The following PPP2R5C variants were observed in gnomAD, a reference collection of about 807,000 sequenced individuals.
The protein encoded by PPP2R5C is protein phosphatase 2 regulatory subunit B'gamma, also known as serine/threonine-protein phosphatase 2A 56 kDa regulatory subunit gamma isoform.
PPP2R5C carries 7 observed loss-of-function variants against 68.9 expected under a neutral mutation model. That is an observed-to-expected ratio of 0.10 (90% CI 0.06 to 0.19). PPP2R5C has a LOEUF of 0.19. Among genes scored for constraint, PPP2R5C ranks in the 10% least tolerant of loss-of-function variants. The probability of loss-of-function intolerance (pLI) is 1.00; values close to 1 mark genes in which losing one functional copy is unlikely to be tolerated. For missense variants in PPP2R5C, 348 were observed against 641.3 expected, an observed-to-expected ratio of 0.54 and a Z score of 4.94; for synonymous variants, 210 against 222.2, an observed-to-expected ratio of 0.95 and a Z score of 0.49.
intron 7 of PPP2R5C, among the ~76,000 whole-genome samples, chr14:101,894,018 G>A (rs977272008): frequency 1.3e-5 from 2 of 152,222 alleles, no homozygotes; most frequent in Admixed American, 1.3e-4. Flanking sequence ...GCTTATGGTA[G>A]GGGCTAAATG....
chr14:101,903,552 G>T (rs969199502), intron 9 of PPP2R5C, among the ~76,000 whole-genome samples: 1 of 152,188 alleles, frequency 6.6e-6, no homozygotes, highest in East Asian at 1.9e-4. Flanking sequence ...ACTCGCCCTC[G>T]TCTGTGTCCC....
At chr14:101,846,518 T>G (rs1251007621) in intron 1 of PPP2R5C, among the ~76,000 whole-genome samples, 3 of 152,260 alleles carry the variant, frequency 2.0e-5, no homozygotes, top group African/African-American at 7.2e-5. Flanking sequence ...ACGAGAAGAT[T>G]AACCCAATTT....
intron 5 of PPP2R5C, among the ~76,000 whole-genome samples, chr14:101,886,573 G>T (rs373226014): frequency 6.6e-6 from 1 of 151,650 alleles, no homozygotes; most frequent in Admixed American, 6.6e-5. Context: ...CCTGATACGC[G>T]CAGTCAAAAG....
intron 2 of PPP2R5C, among the ~76,000 whole-genome samples, chr14:101,859,746 C>G (rs1370203225): frequency 6.6e-6 from 1 of 152,144 alleles, no homozygotes; most frequent in Admixed American, 6.5e-5. Context: ...GCAGCAAAAG[C>G]CTGGGCCTCT....
chr14:101,890,773 T>C (rs1376714068), intron 6 of PPP2R5C, among the ~76,000 whole-genome samples: 1 of 144,564 alleles, frequency 6.9e-6, no homozygotes, highest in Non-Finnish European at 1.5e-5. Flanking sequence ...CCTTTTTTTT[T>C]TTTTTTTTTT....
At chr14:101,768,401 C>CT (rs1391414351) in intron 2 of PPP2R5C, among the ~76,000 whole-genome samples, 2 of 152,172 alleles carry the variant, frequency 1.3e-5, no homozygotes, top group Non-Finnish European at 2.9e-5. Flanking sequence ...TGAGTTATAT[C>CT]TATCTACCGA....
intron 1 of PPP2R5C, chr14:101,839,571 G>A (rs2140406251): frequency 6.6e-6 from 1 of 152,564 alleles, no homozygotes; most frequent in Non-Finnish European, 1.5e-5. Flanking sequence ...GTGATCCCAT[G>A]TCCTGGAAAG....
At chr14:101,880,574 T>C (rs918943899) in intron 2 of PPP2R5C, among the ~76,000 whole-genome samples, 1 of 152,206 alleles carries the variant, frequency 6.6e-6, no homozygotes, top group African/African-American at 2.4e-5. Flanking sequence ...GGCAGGAGGA[T>C]TGCTTAAGCC....
At chr14:101,856,525 C>T (rs2042434147) in intron 1 of PPP2R5C, among the ~76,000 whole-genome samples, 161 bp from the exon 4 acceptor site, 2 of 150,078 alleles carry the variant, frequency 1.3e-5, no homozygotes, top group Non-Finnish European at 3.0e-5. Context: ...TGGGTTTTTT[C>T]GTTTTATTTT....
At chr14:101,920,794 C>A (rs2046956946) in intron 13 of PPP2R5C, among the ~76,000 whole-genome samples, 1 of 152,130 alleles carries the variant, frequency 6.6e-6, no homozygotes. Flanking sequence ...GAGACAGGGT[C>A]TCACTGTGTC....
At chr14:101,817,150 G>A (rs1310497918) in intron 1 of PPP2R5C, among the ~76,000 whole-genome samples, 1 of 151,336 alleles carries the variant, frequency 6.6e-6, no homozygotes, top group Non-Finnish European at 1.5e-5. Flanking sequence ...TAGAGATAGG[G>A]TTTCACCATG....
At chr14:101,810,708 GCAA>G (rs1394856419) in intron 1 of PPP2R5C, among the ~76,000 whole-genome samples, 1 of 152,024 alleles carries the variant, frequency 6.6e-6, no homozygotes, top group Non-Finnish European at 1.5e-5. Context: ...ATTTTAAATG[GCAA>G]CAAGTTTTCA....
Position 101,901,700 on chromosome 14 carries a change from C to A in PPP2R5C, c.853-19C>A, listed in dbSNP as rs370466521. The A allele has an allele frequency of 1.2e-6, 2 of 1,611,860 alleles. No individual in the cohort carries two copies. Among genetic ancestry groups the A allele is most frequent in the Non-Finnish European group, 1.7e-6 (2 of 1,179,362 alleles). ...GGCCTCGTGGGCATCAGTCACTCCA[C>A]GTGTCATTTCTTTTGTAGGTGGTGA... On this transcript the variant is annotated intron_variant, in intron 8 of 13. Coordinates refer to ENST00000334743, the Ensembl canonical transcript of PPP2R5C.
intron 1 of PPP2R5C, among the ~76,000 whole-genome samples, chr14:101,844,952 G>A (rs1210244982): frequency 6.6e-6 from 1 of 152,150 alleles, no homozygotes; most frequent in East Asian, 1.9e-4. Flanking sequence ...AAGATGAAGC[G>A]ATAACGGGCT....
At chr14:101,905,873 C>G (rs2141062654) in intron 9 of PPP2R5C, among the ~76,000 whole-genome samples, 1 of 152,226 alleles carries the variant, frequency 6.6e-6, no homozygotes, top group South Asian at 2.1e-4. Flanking sequence ...TGAAGCCACC[C>G]CACCGCACAC....
At chr14:101,866,627 G>A (rs1469608987) in intron 2 of PPP2R5C, among the ~76,000 whole-genome samples, 4 of 151,948 alleles carry the variant, frequency 2.6e-5, no homozygotes, top group Non-Finnish European at 4.4e-5. Flanking sequence ...CCAAGATCAC[G>A]CTACTGTGCT....
At chr14:101,771,877 A>G (rs993191345) in intron 2 of PPP2R5C, among the ~76,000 whole-genome samples, 2 of 152,156 alleles carry the variant, frequency 1.3e-5, no homozygotes, top group African/African-American at 4.8e-5. Flanking sequence ...CCTGGCCAAG[A>G]TGTTTGTTGT....
intron 3 of PPP2R5C, among the ~76,000 whole-genome samples, chr14:101,792,759 T>G (rs1279610046): frequency 6.6e-6 from 1 of 152,170 alleles, no homozygotes; most frequent in Non-Finnish European, 1.5e-5. Flanking sequence ...TTTTTTTGTT[T>G]GTTTTTGTTT....
At chr14:101,838,767 G>A (rs919322459) in intron 1 of PPP2R5C, among the ~76,000 whole-genome samples, 1 of 149,286 alleles carries the variant, frequency 6.7e-6, no homozygotes, top group Non-Finnish European at 1.5e-5. Flanking sequence ...ATTTTGGCTG[G>A]GCATGGTGGC....
Sources: allele counts gnomAD v4.1 joint callset (sites outside exome capture counted in the v4.1 genomes callset), GRCh38; gene constraint gnomAD v4.1.1; transcripts MANE v1.5; gene names NCBI Gene and HGNC (gene_info 2026-07-23, HGNC 2026-07-21).